PCDH11X: variants seen among roughly 807,000 people sequenced by gnomAD.
The protein encoded by PCDH11X is protocadherin-11 X-linked.
Under a neutral mutation model 53.3 loss-of-function variants are expected in PCDH11X, and 18 were observed. The observed-to-expected ratio is 0.34, with a 90% CI of 0.23 to 0.50. The LOEUF (loss-of-function observed/expected upper bound fraction) is 0.50. PCDH11X is among the 20% of genes least tolerant of loss of function. The probability of loss-of-function intolerance (pLI) is 0.98; values close to 1 mark genes in which losing one functional copy is unlikely to be tolerated. For missense variants in PCDH11X, 570 were observed against 1,032.4 expected (o/e 0.55, Z 6.14); for synonymous variants, 279 against 393.3 (o/e 0.71, Z 3.44).
intron 10 of PCDH11X, among the ~76,000 whole-genome samples, chrX:92,503,698 G>A (rs746674338): frequency 9.2e-6 from 1 of 108,962 alleles, no homozygotes; most frequent in African/African-American, 3.3e-5. Flanking sequence ...ACACATGGTG[G>A]GTAACAACAC....
At chrX:92,512,383 C>A (rs1206110803) in intron 10 of PCDH11X, among the ~76,000 whole-genome samples, 1 of 111,468 alleles carries the variant, frequency 9.0e-6, no homozygotes, top group Non-Finnish European at 1.9e-5. Flanking sequence ...ATACTGGGAA[C>A]TATTTGGGGA....
intron 6 of PCDH11X, among the ~76,000 whole-genome samples, chrX:91,969,878 G>T (rs538036653): frequency 9.1e-6 from 1 of 110,038 alleles, no homozygotes; most frequent in Non-Finnish European, 1.9e-5. Context: ...TGGAGAGTGC[G>T]GCCTAGAATC....
chrX:92,142,929 CA>C (rs2148219762), intron 6 of PCDH11X, among the ~76,000 whole-genome samples: 1 of 101,952 alleles, frequency 9.8e-6, no homozygotes, highest in Non-Finnish European at 1.9e-5. Context: ...CATGCACACA[CA>C]CACACACACA....
intron 10 of PCDH11X, among the ~76,000 whole-genome samples, chrX:92,546,621 A>C (rs1302221677): frequency 9.0e-6 from 1 of 111,294 alleles, no homozygotes; most frequent in Admixed American, 9.5e-5. Context: ...AGTCTAAATT[A>C]AGTTGCTATG....
At chrX:92,301,133 T>C (rs1376550763) in intron 8 of PCDH11X, among the ~76,000 whole-genome samples, 5 of 111,228 alleles carry the variant, frequency 4.5e-5, no homozygotes, top group Non-Finnish European at 7.5e-5. Context: ...CTGGTGCCAG[T>C]AGGCCAGGGC....
chrX:92,178,009 C>A (rs2065937439), intron 6 of PCDH11X, among the ~76,000 whole-genome samples: 2 of 110,997 alleles, frequency 1.8e-5, no homozygotes, highest in African/African-American at 6.5e-5. Context: ...TCCATGGAGT[C>A]TTTGTTTCAG....
intron 6 of PCDH11X, among the ~76,000 whole-genome samples, chrX:92,188,966 G>T (rs960294393): frequency 9.0e-6 from 1 of 111,375 alleles, no homozygotes; most frequent in African/African-American, 3.3e-5. Context: ...TTAGCATAAA[G>T]CCATAAATGT....
At position 92,114,218 on chromosome X, in the gene PCDH11X, TC is replaced by T. The variant is rs924964642; in HGVS notation, c.3034-87154del. ...ATCGATATGGCAAATGTGGCCATTT[TC>T]CCAGTCCCAGATCAGGCTTGAGCGA... On this transcript the variant is annotated intron_variant, in intron 6 of 10. Transcript: ENST00000682573. 6 of 1,039,658 alleles carry T rather than the reference TC, an allele frequency of 5.8e-6. No individual in the cohort carries two copies. The African/African-American group carries it at 1.1e-4, about 19-fold the overall frequency. 85.7% of individuals were successfully genotyped at this position (1,039,658 alleles called of 1,213,427 possible).
intron 6 of PCDH11X, among the ~76,000 whole-genome samples, chrX:92,086,337 T>A (rs1300647752): frequency 2.7e-5 from 3 of 111,622 alleles, no homozygotes; most frequent in African/African-American, 9.7e-5. Context: ...GATATGAAAT[T>A]ACAAACATTA....
intron 8 of PCDH11X, among the ~76,000 whole-genome samples, chrX:92,327,253 C>T (rs2069358678): frequency 9.5e-6 from 1 of 104,823 alleles, no homozygotes; most frequent in Non-Finnish European, 2.0e-5. Flanking sequence ...ATAGCCAAGT[C>T]TTGAGATACA....
intron 4 of PCDH11X, among the ~76,000 whole-genome samples, chrX:91,819,795 A>G (rs1602284488): frequency 2.0e-5 from 2 of 97,812 alleles, no homozygotes; most frequent in Admixed American, 1.2e-4. Flanking sequence ...AGCATTAGGT[A>G]TATCTCCCAA....
At chrX:92,282,804 A>T (rs1384958370) in intron 8 of PCDH11X, among the ~76,000 whole-genome samples, 1 of 111,361 alleles carries the variant, frequency 9.0e-6, no homozygotes. Flanking sequence ...AGCTATGGGC[A>T]GATTGCTATC....
intron 6 of PCDH11X, among the ~76,000 whole-genome samples, chrX:91,960,324 C>T (rs1181890862): frequency 6.3e-5 from 7 of 110,912 alleles, no homozygotes; most frequent in Non-Finnish European, 1.1e-4. Context: ...CTTTTGGTGT[C>T]ATAAAAAAAA....
intron 10 of PCDH11X, among the ~76,000 whole-genome samples, chrX:92,565,013 G>A (rs917021436): frequency 6.3e-5 from 7 of 110,866 alleles, no homozygotes; most frequent in Non-Finnish European, 9.5e-5. Flanking sequence ...ACAGGCATAT[G>A]AAAAGGTGCT....
intron 7 of PCDH11X, among the ~76,000 whole-genome samples, chrX:92,239,920 A>T (rs1211124243): frequency 8.9e-6 from 1 of 112,281 alleles, no homozygotes; most frequent in East Asian, 2.8e-4. Context: ...TTTTATCTCA[A>T]CATTTAATTA....
intron 6 of PCDH11X, among the ~76,000 whole-genome samples, chrX:91,931,127 GGTGT>G (rs199653186): frequency 0.024 from 2,407 of 98,785 alleles, 48 homozygotes; most frequent in African/African-American, 0.068. Context: ...AAGCTTTAGT[GGTGT>G]GTGTGTGTGT....
intron 8 of PCDH11X, among the ~76,000 whole-genome samples, chrX:92,312,610 C>T (rs1285836302): frequency 9.1e-6 from 1 of 110,104 alleles, no homozygotes; most frequent in Non-Finnish European, 1.9e-5. Flanking sequence ...GGACAAGTAC[C>T]TATCTAAAAT....
intron 6 of PCDH11X, among the ~76,000 whole-genome samples, chrX:92,173,662 T>A (rs752797001): frequency 1.8e-5 from 2 of 110,587 alleles, no homozygotes; most frequent in Admixed American, 1.9e-4. Context: ...GGCTGTGACC[T>A]CAAAATGTAT....
intron 10 of PCDH11X, among the ~76,000 whole-genome samples, chrX:92,542,479 T>C (rs943579451): frequency 2.4e-4 from 27 of 110,850 alleles, no homozygotes; most frequent in African/African-American, 8.8e-4. Context: ...AAAATGTCCA[T>C]AAATTAGAAT....
Sources: allele counts gnomAD v4.1 joint callset (sites outside exome capture counted in the v4.1 genomes callset), GRCh38; gene constraint gnomAD v4.1.1; transcripts MANE v1.5; gene names NCBI Gene and HGNC (gene_info 2026-07-23, HGNC 2026-07-21).